The following PCSK5 variants were observed in gnomAD, a reference collection of about 807,000 sequenced individuals.
The protein encoded by PCSK5 is proprotein convertase subtilisin/kexin type 5.
A neutral mutation model predicts 233.2 loss-of-function variants in PCSK5; 129 were observed. That is an observed-to-expected ratio of 0.55 (90% CI 0.48 to 0.64). The LOEUF (loss-of-function observed/expected upper bound fraction) is 0.64. Among genes scored for constraint, PCSK5 ranks in the 30% least tolerant of loss-of-function variants. PCSK5 has a pLI of 0.00. For missense variants in PCSK5, 2,076 were observed against 2,430.1 expected (o/e 0.85, Z 3.06); for synonymous variants, 825 against 879.2 (o/e 0.94, Z 1.09).
At chr9:76,038,972 C>T (rs1442438704) in intron 5 of PCSK5, among the ~76,000 whole-genome samples, 1 of 152,190 alleles carries the variant, frequency 6.6e-6, no homozygotes, top group Admixed American at 6.5e-5. Flanking sequence ...AGTAGAACCA[C>T]ATTCCACAAC....
chr9:76,120,275 T>C (rs1832582741), intron 9 of PCSK5, among the ~76,000 whole-genome samples: 1 of 152,106 alleles, frequency 6.6e-6, no homozygotes, highest in South Asian at 2.1e-4. Flanking sequence ...TTCTACCAAA[T>C]CTTTAAACAT....
chr9:76,136,562 T>A (rs1350820842), intron 10 of PCSK5, among the ~76,000 whole-genome samples: 1 of 152,074 alleles, frequency 6.6e-6, no homozygotes, highest in Non-Finnish European at 1.5e-5. Flanking sequence ...GTTGCCTGCC[T>A]ACAGAAGTGT....
intron 27 of PCSK5, 79 bp from the exon 28 acceptor site, chr9:76,302,058 G>A (rs1260014321): frequency 2.0e-5 from 11 of 561,322 alleles, no homozygotes; most frequent in Non-Finnish European, 2.6e-5. Context: ...TCTGGGTGGT[G>A]GGTTTATAGG....
chr9:75,908,937 CTCTG>C (rs1554704542), intron 1 of PCSK5, among the ~76,000 whole-genome samples: 66 of 89,586 alleles, frequency 7.4e-4, no homozygotes, highest in South Asian at 5.6e-3. Flanking sequence ...CTATCTCTCT[CTCTG>C]TCTATCTATC....
chr9:76,123,200 T>A (rs533278624), intron 9 of PCSK5, among the ~76,000 whole-genome samples: 2 of 152,278 alleles, frequency 1.3e-5, no homozygotes, highest in African/African-American at 4.8e-5. Flanking sequence ...AATGTCATGC[T>A]GTTACATCTT....
intron 6 of PCSK5, among the ~76,000 whole-genome samples, chr9:76,069,582 C>G (rs1357743219): frequency 6.6e-6 from 1 of 152,058 alleles, no homozygotes; most frequent in African/African-American, 2.4e-5. Flanking sequence ...GAAAAAGCAG[C>G]CTTTTATCTT....
intron 10 of PCSK5, among the ~76,000 whole-genome samples, chr9:76,153,073 A>G (rs1385883204): frequency 6.6e-6 from 1 of 152,220 alleles, no homozygotes; most frequent in African/African-American, 2.4e-5. Context: ...GCTTATGTGC[A>G]TAAATGAGCC....
intron 1 of PCSK5, among the ~76,000 whole-genome samples, chr9:75,918,102 T>G (rs1254616179): frequency 6.6e-6 from 1 of 152,240 alleles, no homozygotes; most frequent in Non-Finnish European, 1.5e-5. Context: ...TTCATTATCT[T>G]CTGGAGTTGA....
intron 37 of PCSK5, 45 bp from the exon 38 acceptor site, chr9:76,358,468 C>G: frequency 1.3e-6 from 2 of 1,487,420 alleles, no homozygotes; most frequent in Non-Finnish European, 1.8e-6. Flanking sequence ...CTATTTCTTT[C>G]ACTTTTTCCC....
At chr9:76,167,321 T>C (rs777175414) in intron 12 of PCSK5, among the ~76,000 whole-genome samples, 23 of 152,204 alleles carry the variant, frequency 1.5e-4, no homozygotes, top group Non-Finnish European at 2.2e-4. Flanking sequence ...ATTATGGAAA[T>C]TGATAAAACA....
chr9:75,924,629 G>T (rs1001636855), intron 1 of PCSK5, among the ~76,000 whole-genome samples: 4 of 152,066 alleles, frequency 2.6e-5, no homozygotes, highest in African/African-American at 9.7e-5. Context: ...GAAAAGGAAT[G>T]AGCTCTCTCT....
At chr9:76,006,906 CT>C (rs1353483144) in intron 3 of PCSK5, among the ~76,000 whole-genome samples, 1 of 152,084 alleles carries the variant, frequency 6.6e-6, no homozygotes, top group East Asian at 1.9e-4. Flanking sequence ...GTCCAGGAGA[CT>C]TTTTTTCTTG....
chr9:75,913,433 G>A (rs546203523), intron 1 of PCSK5, among the ~76,000 whole-genome samples: 14 of 152,088 alleles, frequency 9.2e-5, no homozygotes, highest in East Asian at 1.9e-4. Context: ...TTAGTGTCAC[G>A]TATTTGTGCT....
At chr9:75,952,957 G>C (rs1374034301) in intron 2 of PCSK5, among the ~76,000 whole-genome samples, 1 of 152,114 alleles carries the variant, frequency 6.6e-6, no homozygotes, top group East Asian at 1.9e-4. Context: ...GCACAGTCAG[G>C]AGTTTCCAGG....
chr9:76,341,706 A>G (rs1305617198), intron 35 of PCSK5, among the ~76,000 whole-genome samples: 2 of 152,062 alleles, frequency 1.3e-5, no homozygotes, highest in African/African-American at 4.8e-5. Flanking sequence ...TCTTATCTTT[A>G]CTTCTCACAG....
intron 3 of PCSK5, among the ~76,000 whole-genome samples, chr9:76,005,650 C>T (rs1026393883): frequency 6.6e-6 from 1 of 152,140 alleles, no homozygotes; most frequent in Admixed American, 6.5e-5. Context: ...ACCTTGTACA[C>T]ATACTTTGTG....
intron 24 of PCSK5, among the ~76,000 whole-genome samples, chr9:76,277,277 CA>C (rs1382096984): frequency 6.6e-6 from 1 of 152,056 alleles, no homozygotes; most frequent in Non-Finnish European, 1.5e-5. Context: ...GTCTTCCCCC[CA>C]AAGAATGAAG....
intron 7 of PCSK5, among the ~76,000 whole-genome samples, chr9:76,088,781 A>C (rs776038134): frequency 3.3e-5 from 5 of 152,126 alleles, no homozygotes; most frequent in Non-Finnish European, 7.3e-5. Context: ...GCTTTCTCCC[A>C]CCAAGTTATG....
At chr9:76,218,986 C>A (rs1825635356) in intron 20 of PCSK5, among the ~76,000 whole-genome samples, 2 of 152,208 alleles carry the variant, frequency 1.3e-5, no homozygotes, top group African/African-American at 2.4e-5. Context: ...ATCCTGGGTG[C>A]CGCATTCCAT....
Sources: allele counts gnomAD v4.1 joint callset (sites outside exome capture counted in the v4.1 genomes callset), GRCh38; gene constraint gnomAD v4.1.1; transcripts MANE v1.5; gene names NCBI Gene and HGNC (gene_info 2026-07-23, HGNC 2026-07-21).